CRBN: variants seen among roughly 807,000 people sequenced by gnomAD.
CRBN encodes protein cereblon.
A neutral mutation model predicts 62.2 loss-of-function variants in CRBN; 53 were observed. That is an observed-to-expected ratio of 0.85 (90% CI 0.68 to 1.07). CRBN has a LOEUF of 1.07. Among genes scored for constraint, CRBN ranks in the 50% least tolerant of loss-of-function variants. CRBN has a pLI of 0.00. For synonymous variants in CRBN, 208 were observed against 176.1 expected (o/e 1.18, Z -1.43); for missense variants, 616 against 531.1 (o/e 1.16, Z -1.57).
chr3:3,153,348 T>G, intron 9 of CRBN, 76 bp downstream of exon 9: 1 of 892,900 alleles, frequency 1.1e-6, no homozygotes, highest in Non-Finnish European at 1.9e-6. Context: ...GGAGGAAAGT[T>G]TATGGAAAAC....
chr3:3,152,361 A>G (rs1337808717), intron 10 of CRBN, 95 bp downstream of exon 10: 7 of 1,315,920 alleles, frequency 5.3e-6, no homozygotes, highest in Non-Finnish European at 7.5e-6. Context: ...ACTTTTTATT[A>G]TAAAGATTGT....
rs764998035 is a variant in CRBN, at chr3:3,174,288, T to A, written c.175-27A>T. Reference sequence around the variant, plus strand: ...TATATAAAAACATATATAGGTATAGTGTCATGATCGATATGTAATAAAAAT... The same window carrying A: ...TATATAAAAACATATATAGGTATAGAGTCATGATCGATATGTAATAAAAAT... On this transcript the variant is annotated intron_variant, in intron 2 of 10. Transcript: ENST00000231948. The A allele has an allele frequency of 6.0e-6, 9 of 1,505,598 alleles. No homozygotes were observed. The East Asian group carries it at 2.0e-4, about 34-fold the overall frequency. The allele number at this position is 1,505,598 out of a possible 1,614,324, so 93.3% of individuals were successfully genotyped here.
chr3:3,178,451 C>T (rs1189846630), intron 1 of CRBN, among the ~76,000 whole-genome samples: 1 of 103,932 alleles, frequency 9.6e-6, no homozygotes, highest in Non-Finnish European at 2.1e-5. Context: ...ACAGGAAAAA[C>T]CCAAACCCAC....
At chr3:3,151,331 GCCAAGACCACATTCTAAC>G (rs1216922346) in intron 10 of CRBN, among the ~76,000 whole-genome samples, 1 of 152,070 alleles carries the variant, frequency 6.6e-6, no homozygotes, top group Admixed American at 6.6e-5. Flanking sequence ...ATTGCTGGTT[GCCAAGACCACATTCTAAC>G]TTGTACTGGC....
At chr3:3,154,353 TAACTA>T (rs1436731655) in intron 7 of CRBN, 27 of 479,378 alleles carry the variant, frequency 5.6e-5, no homozygotes, top group African/African-American at 2.0e-4. Context: ...ACTAGAAAAA[TAACTA>T]AACTATACCT....
chr3:3,175,723 G>A (rs534847334), intron 1 of CRBN, among the ~76,000 whole-genome samples: 12 of 152,156 alleles, frequency 7.9e-5, no homozygotes, highest in African/African-American at 2.9e-4. Context: ...CCTCCTCTGG[G>A]CTAGGGGGGT....
At position 3,152,792 on chromosome 3, in the gene CRBN, AAAT is replaced by A. The variant is rs377441143; in HGVS notation, c.1017-208_1017-206del. On this transcript the variant is annotated intron_variant, in intron 9 of 10. Transcript: ENST00000231948. ...ACAGGCCTGTTTTGTCTAAATGTCTAAATGTTTTCTGTGATGACCCAAAGGAAA... is the reference window on the plus strand; with the variant it reads ...ACAGGCCTGTTTTGTCTAAATGTCTAGTTTTCTGTGATGACCCAAAGGAAA... 2,271 of 605,240 alleles carry A rather than the reference AAAT, an allele frequency of 3.8e-3. 12 individuals carry two copies. The highest frequency in any genetic ancestry group is 6.3e-3 in the Middle Eastern group (14 of 2,218). The allele number at this position is 605,240 out of a possible 1,614,324, so 37.5% of individuals were successfully genotyped here. A position where few individuals can be genotyped will look rare whatever the true frequency, so the allele number is the denominator to read the frequency against.
intron 5 of CRBN, 188 bp from the exon 6 acceptor site, chr3:3,156,469 A>G (rs1159008722): frequency 3.3e-6 from 2 of 599,040 alleles, no homozygotes; most frequent in African/African-American, 3.7e-5. Flanking sequence ...TATATCCTTC[A>G]AATATATATT....
chr3:3,160,672 C>G (rs2126059597), intron 5 of CRBN, among the ~76,000 whole-genome samples: 1 of 152,276 alleles, frequency 6.6e-6, no homozygotes, highest in East Asian at 1.9e-4. Flanking sequence ...AACAGATTCT[C>G]AAGTTCACAA....
chr3:3,167,814 C>A (rs756388664), intron 4 of CRBN, 21 bp from the exon 5 acceptor site: 3 of 1,611,172 alleles, frequency 1.9e-6, no homozygotes, highest in Non-Finnish European at 2.5e-6. Context: ...GAGAACCAAG[C>A]ATGGTATTCA....
At chr3:3,178,799 A>G (rs1412502557) in intron 1 of CRBN, among the ~76,000 whole-genome samples, 4 of 152,204 alleles carry the variant, frequency 2.6e-5, no homozygotes, top group African/African-American at 9.7e-5. Context: ...GAAGGGACTC[A>G]AGTAATACTT....
At position 3,170,570 on chromosome 3, in the gene CRBN, T is replaced by C. The variant is rs528405591; in HGVS notation, c.527+2206A>G. Reference sequence around the variant, plus strand: ...ACCTCTCTAGTACCTGGCATTCTGATACAGAAAAAGACGAGACTGAACTAA... The same window carrying C: ...ACCTCTCTAGTACCTGGCATTCTGACACAGAAAAAGACGAGACTGAACTAA... On this transcript the variant is annotated intron_variant, in intron 4 of 10. Transcript: ENST00000231948. Among the ~76,000 whole-genome samples the C allele has an allele frequency of 2.2e-4, 34 of 152,300 alleles. No individual in the cohort carries two copies. In the South Asian group the frequency reaches 6.0e-3, roughly 27 times the overall value.
At chr3:3,169,827 C>T (rs538971871) in intron 4 of CRBN, among the ~76,000 whole-genome samples, 1 of 152,228 alleles carries the variant, frequency 6.6e-6, no homozygotes, top group East Asian at 1.9e-4. Context: ...TATCAATCCC[C>T]TCCTCCTCTC....
chr3:3,169,960 C>T (rs898624937), intron 4 of CRBN, among the ~76,000 whole-genome samples: 1 of 151,854 alleles, frequency 6.6e-6, no homozygotes, highest in Non-Finnish European at 1.5e-5. Context: ...AACCCACACA[C>T]ACTCATGACT....
chr3:3,163,402 T>G lies in CRBN; in HGVS notation c.687+4232A>C, dbSNP rs374498882. Among the ~76,000 whole-genome samples the G allele has an allele frequency of 6.6e-5, 10 of 152,286 alleles. No individual in the cohort carries two copies. In the South Asian group the frequency reaches 8.3e-4, roughly 13 times the overall value. The stretch of plus-strand genomic sequence containing the variant: ...ATCTGAACCCAGGCAAATATGTGCT[T>G]CTTTGGTCTTCCCAGCTCTATCTTT... On this transcript the variant is annotated intron_variant, in intron 5 of 10. Transcript: ENST00000231948.
At chr3:3,158,357 A>G (rs78345121) in intron 5 of CRBN, among the ~76,000 whole-genome samples, 5 of 152,298 alleles carry the variant, frequency 3.3e-5, no homozygotes, top group South Asian at 4.1e-4. Flanking sequence ...GCCACAGACC[A>G]GTGCTGGTTC....
intron 4 of CRBN, among the ~76,000 whole-genome samples, chr3:3,169,713 A>G (rs981674406): frequency 2.0e-5 from 3 of 152,224 alleles, no homozygotes; most frequent in African/African-American, 7.2e-5. Context: ...TAAGCTATAT[A>G]TGTGTAACAT....
rs140766922 is a variant in CRBN at position 3,172,923 on chromosome 3, T to C, written c.380A>G (p.Asn127Ser). The C allele has an allele frequency of 6.5e-4, 1,047 of 1,613,014 alleles. 1 individual carries two copies. Among genetic ancestry groups the C allele is most frequent in the Non-Finnish European group, 8.4e-4 (991 of 1,179,146 alleles). The change falls in exon 4 of 11, where the codon AAT becomes AGT. Residue 127 changes from asparagine (N) to serine (S), a missense_variant and splice_region_variant. Transcript: ENST00000231948. ...DRTFAVLAYSNVQEREAQFGT... is the reference protein window; with the variant it reads ...DRTFAVLAYSSVQEREAQFGT... ...AAACTGTGCTTCCCTTTCCTGTACA[T>C]TGCTTCCAAGAAAATTTTAAAAGGA...
chr3:3,175,250 A>G lies in CRBN; in HGVS notation c.87T>C (p.Asp29=). Residue 29 remains aspartate (D), a synonymous_variant, in exon 2 of 11, where the codon GAT becomes GAC. Transcript: ENST00000231948. ...TATCCTGGTCTTCAACTTCCATTTC[A>G]TCTTCTTCCTCACTCTCTGCTATAA... ...PLLPAESEEE[D]EMEVEDQDSK... is the part of the protein sequence containing the mutation. 1 of 1,611,258 alleles carries G rather than the reference A, an allele frequency of 6.2e-7. No individual in the cohort carries two copies. Among genetic ancestry groups the G allele is most frequent in the Non-Finnish European group, 8.5e-7 (1 of 1,177,726 alleles).
Sources: allele counts gnomAD v4.1 joint callset (sites outside exome capture counted in the v4.1 genomes callset), GRCh38; gene constraint gnomAD v4.1.1; transcripts MANE v1.5; gene names NCBI Gene and HGNC (gene_info 2026-07-23, HGNC 2026-07-21).